ITGA8: variants seen among roughly 807,000 people sequenced by gnomAD.
The protein encoded by ITGA8 is integrin alpha-8.
A neutral mutation model predicts 142.3 loss-of-function variants in ITGA8; 91 were observed. That is an observed-to-expected ratio of 0.64 (90% CI 0.54 to 0.76). The LOEUF is 0.76. Among genes scored for constraint, ITGA8 ranks in the 30% least tolerant of loss-of-function variants. The pLI is 0.00. For missense variants in ITGA8, 1,406 were observed against 1,327.7 expected (o/e 1.06, Z -0.92); for synonymous variants, 505 against 485.2 (o/e 1.04, Z -0.54).
chr10:15,681,861 A>G (rs1834743876), intron 4 of ITGA8, among the ~76,000 whole-genome samples: 1 of 152,224 alleles, frequency 6.6e-6, no homozygotes, highest in Non-Finnish European at 1.5e-5. Flanking sequence ...GTAAATATTG[A>G]TGAAAAGTTC....
chr10:15,666,055 A>C (rs532188137), intron 8 of ITGA8, among the ~76,000 whole-genome samples: 27 of 152,356 alleles, frequency 1.8e-4, no homozygotes, highest in Non-Finnish European at 3.2e-4. Context: ...TTCTGTGAAG[A>C]AAGTCATTGG....
intron 20 of ITGA8, 66 bp from the exon 21 acceptor site, chr10:15,597,365 C>T: frequency 1.5e-6 from 2 of 1,296,434 alleles, no homozygotes; most frequent in Non-Finnish European, 2.2e-6. Context: ...AAAAGCCATG[C>T]TGGGGGCCTG....
intron 28 of ITGA8, among the ~76,000 whole-genome samples, chr10:15,524,697 A>G (rs948167062): frequency 6.6e-6 from 1 of 152,222 alleles, no homozygotes; most frequent in Non-Finnish European, 1.5e-5. Flanking sequence ...GGCAAGCTTA[A>G]GAGAAGACGA....
At chr10:15,571,036 A>G (rs1490839802) in intron 25 of ITGA8, among the ~76,000 whole-genome samples, 3 of 152,362 alleles carry the variant, frequency 2.0e-5, no homozygotes, top group African/African-American at 7.2e-5. Context: ...AATCATCTCA[A>G]TGAAGAGCAA....
intron 26 of ITGA8, among the ~76,000 whole-genome samples, chr10:15,555,364 A>G (rs1289571991): frequency 2.0e-5 from 3 of 152,208 alleles, no homozygotes; most frequent in African/African-American, 7.2e-5. Context: ...TCACTGTGTC[A>G]TTCACATGTT....
In ITGA8 at chr10:15,592,237, A is replaced by C. The variant is rs765694652; in HGVS notation, c.2279T>G (p.Leu760Arg). The change falls in exon 22 of 30, where the codon CTC (leucine) becomes CGC (arginine). Residue 760 changes from leucine to arginine, a missense_variant. Coordinates refer to ENST00000378076, the MANE Select transcript of ITGA8 (RefSeq NM_003638.3). ...GTAAAGGTCTAACCTTCTGATTTGGAGATCGAAGTTAATGCTCATGTTTGT... is the reference window on the plus strand; with the variant it reads ...GTAAAGGTCTAACCTTCTGATTTGGCGATCGAAGTTAATGCTCATGTTTGT... Reference protein sequence around the residue: ...EKTNMSINFDLQIRSSNKDNP... With the variant: ...EKTNMSINFDRQIRSSNKDNP... The C allele has an allele frequency of 6.2e-7, 1 of 1,612,964 alleles. No homozygotes were observed. Among genetic ancestry groups the C allele is most frequent in the Non-Finnish European group, 8.5e-7 (1 of 1,179,014 alleles).
rs1268006090 is a variant in ITGA8 at position 15,710,156 on chromosome 10, AAC to A, written c.343+8608_343+8609del. ...CAAGAAAAAAAATGCATGAGAAAAA[AAC>A]AGTTTTAATCACATTTCCCAAAGAT... is the stretch of plus-strand genomic sequence containing the variant. On this transcript the variant is annotated intron_variant, in intron 2 of 29. Coordinates refer to ENST00000378076, the MANE Select transcript of ITGA8 (RefSeq NM_003638.3). Among the ~76,000 whole-genome samples, 6 of 152,338 alleles carry A rather than the reference AAC, an allele frequency of 3.9e-5. No individual in the cohort carries two copies. The East Asian group carries it at 5.8e-4, about 15-fold the overall frequency.
chr10:15,629,160 C>T (rs1833640080), intron 13 of ITGA8, among the ~76,000 whole-genome samples: 1 of 151,878 alleles, frequency 6.6e-6, no homozygotes, highest in East Asian at 1.9e-4. Flanking sequence ...ATCTTGGGAC[C>T]CCAAACTCAT....
chr10:15,683,603 C>G (rs1405768266), intron 4 of ITGA8, among the ~76,000 whole-genome samples: 1 of 152,216 alleles, frequency 6.6e-6, no homozygotes, highest in Non-Finnish European at 1.5e-5. Flanking sequence ...ACAAGCCAGA[C>G]AGAAATCTCA....
At chr10:15,666,363 G>A (rs1387180771) in intron 8 of ITGA8, among the ~76,000 whole-genome samples, 2 of 152,200 alleles carry the variant, frequency 1.3e-5, no homozygotes, top group East Asian at 3.8e-4. Flanking sequence ...TTTGTACATT[G>A]ATTTTGTGTC....
At chr10:15,698,617 G>A (rs1005684498) in intron 2 of ITGA8, among the ~76,000 whole-genome samples, 7 of 152,092 alleles carry the variant, frequency 4.6e-5, no homozygotes, top group Admixed American at 4.6e-4. Flanking sequence ...GCAGGAGTGA[G>A]GTGGTATCAC....
intron 27 of ITGA8, among the ~76,000 whole-genome samples, chr10:15,539,088 T>C (rs990158239): frequency 2.0e-5 from 3 of 152,000 alleles, no homozygotes; most frequent in African/African-American, 7.2e-5. Flanking sequence ...TAGGATATTT[T>C]GCAAAGCTGC....
chr10:15,663,551 T>G (rs769087789), intron 8 of ITGA8, among the ~76,000 whole-genome samples: 2 of 151,316 alleles, frequency 1.3e-5, no homozygotes, highest in Non-Finnish European at 2.9e-5. Context: ...TGAATGCTAT[T>G]CTTGAGAGCT....
chr10:15,647,952 T>C (rs1318078483), intron 11 of ITGA8, among the ~76,000 whole-genome samples: 2 of 152,180 alleles, frequency 1.3e-5, no homozygotes, highest in African/African-American at 2.4e-5. Context: ...AAAACTAATA[T>C]GTAATTTTTA....
At chr10:15,564,667 C>G (rs1834046296) in intron 25 of ITGA8, among the ~76,000 whole-genome samples, 1 of 152,148 alleles carries the variant, frequency 6.6e-6, no homozygotes, top group Non-Finnish European at 1.5e-5. Context: ...TACTGTGCAG[C>G]CAGGATGTGC....
chr10:15,534,218 A>C (rs1833371340), intron 27 of ITGA8, among the ~76,000 whole-genome samples: 1 of 151,924 alleles, frequency 6.6e-6, no homozygotes, highest in Non-Finnish European at 1.5e-5. Flanking sequence ...CCTCATCACC[A>C]ATCTTGACTG....
chr10:15,582,682 C>G (rs1006139676), intron 23 of ITGA8, among the ~76,000 whole-genome samples: 1 of 152,154 alleles, frequency 6.6e-6, no homozygotes, highest in Non-Finnish European at 1.5e-5. Flanking sequence ...GAAAAGATGC[C>G]CAATGTAACT....
At chr10:15,629,937 AAAAAC>A (rs1415197897) in intron 13 of ITGA8, among the ~76,000 whole-genome samples, 1 of 152,030 alleles carries the variant, frequency 6.6e-6, no homozygotes, top group African/African-American at 2.4e-5. Context: ...AACAACAATA[AAAAAC>A]AAAACAAATA....
At chr10:15,619,885 C>T (rs565166042) in intron 13 of ITGA8, among the ~76,000 whole-genome samples, 3 of 152,100 alleles carry the variant, frequency 2.0e-5, no homozygotes, top group African/African-American at 7.2e-5. Context: ...AACTGATTCA[C>T]GATGAATTAT....
Sources: allele counts gnomAD v4.1 joint callset (sites outside exome capture counted in the v4.1 genomes callset), GRCh38; gene constraint gnomAD v4.1.1; transcripts MANE v1.5; gene names NCBI Gene and HGNC (gene_info 2026-07-23, HGNC 2026-07-21).